The following MOB1B variants were observed in gnomAD, a reference collection of about 807,000 sequenced individuals.
The protein encoded by MOB1B is MOB1 Mps One Binder homolog B.
MOB1B carries 19 observed loss-of-function variants against 24.4 expected under a neutral mutation model. That is an observed-to-expected ratio of 0.78 (90% CI 0.54 to 1.14). MOB1B has a LOEUF of 1.14. Ranked by LOEUF, MOB1B falls within the 50% of genes most tolerant of loss-of-function variation. The pLI is 0.00. For synonymous variants in MOB1B, 76 were observed against 82.1 expected, an observed-to-expected ratio of 0.93 and a Z score of 0.40; for missense variants, 243 against 259.6, an observed-to-expected ratio of 0.94 and a Z score of 0.44.
At chr4:70,938,947 A>G (rs962133614) in intron 1 of MOB1B, among the ~76,000 whole-genome samples, 5 of 151,918 alleles carry the variant, frequency 3.3e-5, no homozygotes, top group African/African-American at 7.3e-5. Flanking sequence ...CGACCTCCCA[A>G]AGTGCTGGGA....
rs1350626031 is a variant in MOB1B, at chr4:70,986,386, A to G, written c.*4329A>G. The G allele has an allele frequency of 2.6e-5, 4 of 152,124 alleles. No homozygotes were observed. Among genetic ancestry groups the G allele is most frequent in the Non-Finnish European group, 4.4e-5 (3 of 67,988 alleles). The allele number at this position is 152,124 out of a possible 1,614,324, so 9.4% of individuals were successfully genotyped here. On this transcript the variant is annotated 3_prime_UTR_variant, in exon 6 of 6. Transcript: ENST00000309395. ...ACTAATTATGCTGAGTTTTAAGCCT[A>G]CATATCACAAAATATTTAGAATTGT...
intron 1 of MOB1B, among the ~76,000 whole-genome samples, chr4:70,915,714 C>A (rs28892406): frequency 0.042 from 6,361 of 151,202 alleles, 436 homozygotes; most frequent in African/African-American, 0.14. Flanking sequence ...TCTTTATGGG[C>A]GGCAGAGGGG....
chr4:70,974,489 G>A (rs185466577), intron 3 of MOB1B, among the ~76,000 whole-genome samples: 1 of 152,218 alleles, frequency 6.6e-6, no homozygotes, highest in East Asian at 1.9e-4. Context: ...AGTAGGGAAA[G>A]TGTCTTTCAT....
chr4:70,902,644 C>T (rs1220110795), intron 1 of MOB1B, 94 bp downstream of exon 1: 5 of 1,219,540 alleles, frequency 4.1e-6, no homozygotes, highest in African/African-American at 1.7e-5. Flanking sequence ...TCGTCCCGAC[C>T]CTCCTGGCCC....
At chr4:70,979,344 G>T in intron 5 of MOB1B, 53 bp downstream of exon 5, 2 of 1,402,938 alleles carry the variant, frequency 1.4e-6, no homozygotes, top group Admixed American at 3.5e-5. Flanking sequence ...TATCTTCATA[G>T]TTCTAAGGTA....
intron 1 of MOB1B, 88 bp from the exon 2 acceptor site, chr4:70,958,786 T>C: frequency 8.5e-7 from 1 of 1,179,840 alleles, no homozygotes; most frequent in South Asian, 1.2e-5. Context: ...TTTAAGCCAA[T>C]ACAGTTTAGG....
chr4:70,978,908 T>C (rs1739100677), intron 4 of MOB1B, among the ~76,000 whole-genome samples: 1 of 152,214 alleles, frequency 6.6e-6, no homozygotes, highest in Non-Finnish European at 1.5e-5. Flanking sequence ...CATAACAGGC[T>C]GTAATGAAGA....
At chr4:70,959,209 A>G (rs1425308552) in intron 2 of MOB1B, among the ~76,000 whole-genome samples, 169 bp downstream of exon 2, 1 of 152,126 alleles carries the variant, frequency 6.6e-6, no homozygotes, top group Non-Finnish European at 1.5e-5. Context: ...CTTTATTATT[A>G]TTACTTTTTG....
At chr4:70,950,864 A>G (rs969141981) in intron 1 of MOB1B, 3 of 1,041,166 alleles carry the variant, frequency 2.9e-6, no homozygotes, top group African/African-American at 3.2e-5. Flanking sequence ...AGTTCTTAAC[A>G]TAAGTTTCAG....
At chr4:70,909,370 T>TG (rs1241741678) in intron 1 of MOB1B, among the ~76,000 whole-genome samples, 3 of 151,846 alleles carry the variant, frequency 2.0e-5, no homozygotes, top group Admixed American at 6.6e-5. Flanking sequence ...AGGCCAGGTG[T>TG]GGTAGCTCAT....
chr4:70,972,801 TCTCG>T (rs1738812768), intron 3 of MOB1B, among the ~76,000 whole-genome samples: 1 of 152,026 alleles, frequency 6.6e-6, no homozygotes, highest in Non-Finnish European at 1.5e-5. Context: ...TGAGACGGAG[TCTCG>T]CTCTTTCACC....
Position 70,983,572 on chromosome 4 carries a change from A to G in MOB1B, c.*1515A>G, listed in dbSNP as rs1739285080. The G allele has an allele frequency of 6.6e-6, 1 of 152,544 alleles. No individual in the cohort carries two copies. The highest frequency in any genetic ancestry group is 2.1e-4 in the South Asian group (1 of 4,832). The allele number at this position is 152,544 out of a possible 1,614,324, so 9.4% of individuals were successfully genotyped here. On this transcript the variant is annotated 3_prime_UTR_variant, in exon 6 of 6. Coordinates refer to ENST00000309395, the MANE Select transcript of MOB1B (RefSeq NM_173468.4). ...AATCTTTCTTCAGTTAGAAATATAT[A>G]TCCTTCCTTCAGTTGAAACATATAC...
chr4:70,923,776 C>A (rs1428470550), intron 1 of MOB1B, among the ~76,000 whole-genome samples: 1 of 151,492 alleles, frequency 6.6e-6, no homozygotes, highest in African/African-American at 2.4e-5. Flanking sequence ...GATGAAACCC[C>A]CTCTCTACTA....
chr4:70,924,530 C>T (rs549588994), intron 1 of MOB1B, among the ~76,000 whole-genome samples: 9 of 152,190 alleles, frequency 5.9e-5, no homozygotes, highest in East Asian at 1.9e-4. Context: ...ACGAGCACAA[C>T]GTGCAGTTTT....
intron 1 of MOB1B, among the ~76,000 whole-genome samples, chr4:70,920,835 C>T (rs1736408204): frequency 6.6e-6 from 1 of 151,934 alleles, no homozygotes; most frequent in Admixed American, 6.6e-5. Flanking sequence ...ATATACTCAA[C>T]ACAGTTAAAG....
intron 5 of MOB1B, among the ~76,000 whole-genome samples, chr4:70,980,024 G>A (rs1422900416): frequency 6.6e-6 from 1 of 152,206 alleles, no homozygotes; most frequent in Non-Finnish European, 1.5e-5. Flanking sequence ...GAGAAGGGGA[G>A]ATGGTCATCA....
At chr4:70,914,267 C>T (rs923942962) in intron 1 of MOB1B, among the ~76,000 whole-genome samples, 5 of 152,198 alleles carry the variant, frequency 3.3e-5, no homozygotes, top group African/African-American at 1.2e-4. Flanking sequence ...GTCTGAGGTA[C>T]TTTGTTGTAA....
chr4:70,911,756 G>A (rs1735996240), intron 1 of MOB1B, among the ~76,000 whole-genome samples: 1 of 152,030 alleles, frequency 6.6e-6, no homozygotes, highest in African/African-American at 2.4e-5. Flanking sequence ...AGATATTGAG[G>A]CAAAATAGCT....
At chr4:70,976,597 T>A in intron 4 of MOB1B, 1 of 985,108 alleles carries the variant, frequency 1.0e-6, no homozygotes, top group Non-Finnish European at 1.2e-6. Context: ...GCTCCTGTAA[T>A]GTTAGAACTT....
Sources: gnomAD v4.1 joint callset for allele counts (sites outside exome capture counted in the v4.1 genomes callset) on GRCh38, gnomAD v4.1.1 for gene constraint, MANE v1.5 for transcripts, NCBI Gene and HGNC (gene_info 2026-07-23, HGNC 2026-07-21) for gene names.